The following KAT6A variants were observed in gnomAD, a reference collection of about 807,000 sequenced individuals.
KAT6A encodes histone acetyltransferase KAT6A.
KAT6A carries 9 observed loss-of-function variants against 198.4 expected under a neutral mutation model. The ratio of observed to expected loss-of-function variants is 0.05; its 90% CI spans 0.03 to 0.08. The LOEUF is 0.08. Among genes scored for constraint, KAT6A ranks in the 10% least tolerant of loss-of-function variants. The pLI, the probability that KAT6A is intolerant of heterozygous loss-of-function variation, is 1.00. For synonymous variants in KAT6A, 890 were observed against 883.0 expected, an observed-to-expected ratio of 1.01 and a Z score of -0.14; for missense variants, 2,077 against 2,509.9, an observed-to-expected ratio of 0.83 and a Z score of 3.69.
Position 41,929,735 on chromosome 8 carries a change from C to A in KAT6A, c.*2470G>T, listed in dbSNP as rs976741947. 1 of 192,770 alleles carries A rather than the reference C, an allele frequency of 5.2e-6. No homozygotes were observed. Among genetic ancestry groups the A allele is most frequent in the Non-Finnish European group, 1.1e-5 (1 of 92,260 alleles). 11.9% of individuals were successfully genotyped at this position (192,770 alleles called of 1,614,324 possible). On this transcript the variant is annotated 3_prime_UTR_variant, in exon 17 of 17. Coordinates refer to ENST00000265713, the MANE Select transcript of KAT6A (RefSeq NM_006766.5). ...ATATAAACAGACAGGATAGACGTGG[C>A]TTCCTTTGTACATGCGGCTTTTAGA... is the stretch of plus-strand genomic sequence containing the variant.
intron 2 of KAT6A, among the ~76,000 whole-genome samples, chr8:42,037,360 T>A (rs1331021554): frequency 6.6e-6 from 1 of 151,956 alleles, no homozygotes; most frequent in Non-Finnish European, 1.5e-5. Flanking sequence ...AATAGAAAAA[T>A]TGGGAAACTA....
intron 2 of KAT6A, among the ~76,000 whole-genome samples, chr8:42,011,869 C>T (rs1200687506): frequency 7.7e-6 from 1 of 129,624 alleles, no homozygotes; most frequent in African/African-American, 2.9e-5. Flanking sequence ...TTAGGAAGAA[C>T]AGAGGTGTGG....
chr8:41,990,994 CAAAAAAAAAAAAAAA>C (rs61543371), intron 2 of KAT6A, among the ~76,000 whole-genome samples: 1 of 80,736 alleles, frequency 1.2e-5, no homozygotes, highest in Non-Finnish European at 2.3e-5. Flanking sequence ...GACTCCGTCT[CAAAAAAAAAAAAAAA>C]AAAAAAAAAA....
chr8:42,010,834 G>A lies in KAT6A; in HGVS notation c.601-23271C>T, dbSNP rs1055471950. Among the ~76,000 whole-genome samples, 3 of 152,142 alleles carry A rather than the reference G, an allele frequency of 2.0e-5. No individual in the cohort carries two copies. The East Asian group carries it at 5.8e-4, about 29-fold the overall frequency. ...CCAGATTCTTCTTTGCTTCCCCAGG[G>A]TTTCCTAAGCCTACTGGCAAAGAAG... is the stretch of plus-strand genomic sequence containing the variant. On this transcript the variant is annotated intron_variant, in intron 2 of 16. Transcript: ENST00000265713.
rs749982685 is a variant in KAT6A at position 41,980,935 on chromosome 8, A to G, written c.826-8T>C. 3 of 1,601,694 alleles carry G rather than the reference A, an allele frequency of 1.9e-6. No individual in the cohort carries two copies. Among genetic ancestry groups the G allele is most frequent in the Non-Finnish European group, 8.5e-7 (1 of 1,170,190 alleles). On this transcript the variant is annotated splice_polypyrimidine_tract_variant and splice_region_variant and intron_variant, in intron 4 of 16. Transcript: ENST00000265713. Reference sequence around the variant, plus strand: ...ACAAAAGAGCATGTTATCCTATTAGAAAAAAGAAAGGACAGTTTTGCTTAA... The same window carrying G: ...ACAAAAGAGCATGTTATCCTATTAGGAAAAAGAAAGGACAGTTTTGCTTAA...
intron 2 of KAT6A, among the ~76,000 whole-genome samples, chr8:42,000,225 G>A (rs1483318875): frequency 6.6e-6 from 1 of 152,126 alleles, no homozygotes; most frequent in Non-Finnish European, 1.5e-5. Context: ...AAGAGCATTA[G>A]CAAAAGAATA....
intron 2 of KAT6A, among the ~76,000 whole-genome samples, chr8:41,990,745 G>A (rs1824895852): frequency 6.6e-6 from 1 of 152,190 alleles, no homozygotes; most frequent in African/African-American, 2.4e-5. Context: ...TGTAATCCCA[G>A]CACTTTGGCA....
intron 2 of KAT6A, among the ~76,000 whole-genome samples, chr8:42,044,406 A>T (rs1038774368): frequency 6.6e-6 from 1 of 151,900 alleles, no homozygotes; most frequent in African/African-American, 2.4e-5. Context: ...TGGCCTAAAA[A>T]CTTTTAATCA....
chr8:41,939,812 G>C (rs1822017370), intron 15 of KAT6A, among the ~76,000 whole-genome samples: 1 of 152,178 alleles, frequency 6.6e-6, no homozygotes, highest in Non-Finnish European at 1.5e-5. Flanking sequence ...ACAGAAAAAG[G>C]ACGTTAGGGA....
At position 41,991,061 on chromosome 8, in the gene KAT6A, A is replaced by G. The variant is rs576808132; in HGVS notation, c.601-3498T>C. 1.5e-4 allele frequency among the ~76,000 whole-genome samples: 23 copies of G among 151,796 alleles called. 1 individual carries two copies. The highest frequency in any genetic ancestry group is 3.9e-4 in the Admixed American group (6 of 15,270). ...CACTGCTGACAGGAATATAAATATAAATTGACAAGACCAATTTGAAAATGT... is the reference window on the plus strand; with the variant it reads ...CACTGCTGACAGGAATATAAATATAGATTGACAAGACCAATTTGAAAATGT... On this transcript the variant is annotated intron_variant, in intron 2 of 16. Transcript: ENST00000265713.
intron 2 of KAT6A, among the ~76,000 whole-genome samples, chr8:42,009,137 A>G (rs1825888148): frequency 6.6e-6 from 1 of 152,210 alleles, no homozygotes; most frequent in Non-Finnish European, 1.5e-5. Flanking sequence ...TAGTGAGAAC[A>G]TTGCATATAA....
At chr8:41,938,435 G>C (rs1483462995) in intron 15 of KAT6A, among the ~76,000 whole-genome samples, 1 of 152,106 alleles carries the variant, frequency 6.6e-6, no homozygotes, top group African/African-American at 2.4e-5. Context: ...ACAGCAGTTA[G>C]TCAATGTTCA....
At chr8:42,008,478 C>T (rs1449425065) in intron 2 of KAT6A, among the ~76,000 whole-genome samples, 3 of 152,116 alleles carry the variant, frequency 2.0e-5, no homozygotes, top group Non-Finnish European at 2.9e-5. Context: ...GCTGGGATTA[C>T]AGGCGTGCAC....
intron 16 of KAT6A, among the ~76,000 whole-genome samples, chr8:41,935,648 C>G (rs1182265638): frequency 6.6e-6 from 1 of 152,060 alleles, no homozygotes; most frequent in Non-Finnish European, 1.5e-5. Flanking sequence ...AGTACACTCA[C>G]ATTGCCTATT....
chr8:42,036,694 A>C (rs1827395795), intron 2 of KAT6A, among the ~76,000 whole-genome samples: 1 of 152,170 alleles, frequency 6.6e-6, no homozygotes, highest in South Asian at 2.1e-4. Flanking sequence ...ATGTGCCATA[A>C]GGCCAAGCAA....
rs780944844 is a variant in KAT6A at position 41,977,321 on chromosome 8, T to C, written c.1050A>G (p.Lys350=). 6.2e-7 allele frequency: 1 copy of C among 1,610,402 alleles called. No homozygotes were observed. The highest frequency in any genetic ancestry group is 1.1e-5 in the South Asian group (1 of 90,934). The stretch of plus-strand genomic sequence containing the variant: ...CAGTTCGAACTTTGCTGAAGGGACC[T>C]TTTGATCTAAACAATTAAACAGGGG... ...NRLKKQNTVS[K]GPFSKVRTGP... is the part of the protein sequence containing the mutation. Residue 350 remains lysine (K), a synonymous_variant, in exon 7 of 17, where the codon AAA becomes AAG. Transcript: ENST00000265713.
chr8:41,981,090 C>T (rs964119249), intron 4 of KAT6A, among the ~76,000 whole-genome samples, 163 bp from the exon 5 acceptor site: 6 of 152,248 alleles, frequency 3.9e-5, no homozygotes, highest in East Asian at 3.9e-4. Context: ...GAGGTCGAGG[C>T]GGGTGGATCA....
At chr8:42,029,209 T>C (rs1235280793) in intron 2 of KAT6A, among the ~76,000 whole-genome samples, 1 of 152,212 alleles carries the variant, frequency 6.6e-6, no homozygotes. Context: ...CTGCTATTTT[T>C]AGAATTCTCT....
rs149868385 is a variant in KAT6A at position 42,029,658 on chromosome 8, A to T, written c.600+18720T>A. Among the ~76,000 whole-genome samples the T allele has an allele frequency of 6.0e-5, 9 of 150,452 alleles. No individual in the cohort carries two copies. The East Asian group carries it at 1.8e-3, about 30-fold the overall frequency. ...CAGTTCAAGAGACAGGGGTCTCACC[A>T]TGTTGCCCAGGCTGATCTCAAACTC... On this transcript the variant is annotated intron_variant, in intron 2 of 16. Coordinates refer to ENST00000265713, the MANE Select transcript of KAT6A (RefSeq NM_006766.5).
Sources: allele counts gnomAD v4.1 joint callset (sites outside exome capture counted in the v4.1 genomes callset), GRCh38; gene constraint gnomAD v4.1.1; transcripts MANE v1.5; gene names NCBI Gene and HGNC (gene_info 2026-07-23, HGNC 2026-07-21).